The following ANKHD1 variants were observed in gnomAD, a reference collection of about 807,000 sequenced individuals.
ANKHD1 encodes the protein ankyrin repeat and KH domain containing 1.
A neutral mutation model predicts 230.5 loss-of-function variants in ANKHD1; 31 were observed. The ratio of observed to expected loss-of-function variants is 0.13; its 90% CI spans 0.10 to 0.18. ANKHD1 has a LOEUF of 0.18. Among genes scored for constraint, ANKHD1 ranks in the 10% least tolerant of loss-of-function variants. ANKHD1 has a pLI of 1.00. For missense variants in ANKHD1, 2,256 were observed against 3,071.3 expected (o/e 0.73, Z 6.27); for synonymous variants, 1,074 against 1,117.6 (o/e 0.96, Z 0.78).
chr5:140,517,438 A>T (rs1753078429), intron 24 of ANKHD1, among the ~76,000 whole-genome samples: 1 of 151,426 alleles, frequency 6.6e-6, no homozygotes, highest in South Asian at 2.1e-4. Context: ...CACCAAGCGG[A>T]CCTAATAGAC....
intron 15 of ANKHD1, among the ~76,000 whole-genome samples, chr5:140,498,883 A>G (rs1216074469): frequency 2.0e-5 from 3 of 151,538 alleles, no homozygotes; most frequent in African/African-American, 7.3e-5. Flanking sequence ...ATGTAGAAAT[A>G]GCTCTAAAAG....
Position 140,539,501 on chromosome 5 carries a change from A to G in ANKHD1, c.*83A>G. On this transcript the variant is annotated 3_prime_UTR_variant, in exon 34 of 34. Transcript: ENST00000360839. The stretch of plus-strand genomic sequence containing the variant: ...ATGGGGATTTTTTTTTAATGTGCCT[A>G]AGAAATTTTCTCTGAGGCTTTAGCA... 2.7e-6 allele frequency: 4 copies of G among 1,471,406 alleles called. No homozygotes were observed. Among genetic ancestry groups the G allele is most frequent in the Non-Finnish European group, 3.7e-6 (4 of 1,081,352 alleles). 91.1% of individuals were successfully genotyped at this position (1,471,406 alleles called of 1,614,324 possible).
Position 140,482,622 on chromosome 5 carries a change from G to T in ANKHD1, c.1825G>T (p.Ala609Ser). 3 of 1,612,856 alleles carry T rather than the reference G, an allele frequency of 1.9e-6. No individual in the cohort carries two copies. The highest frequency in any genetic ancestry group is 2.5e-6 in the Non-Finnish European group (3 of 1,179,470). Reference sequence around the variant, plus strand: ...TGGAAGAACACCTTTGATGAAAGCTGCAAGAGCTGGTCATTTGTGCACTGT... The same window carrying T: ...TGGAAGAACACCTTTGATGAAAGCTTCAAGAGCTGGTCATTTGTGCACTGT... Reference protein sequence around the residue: ...EGGRTPLMKAARAGHLCTVQF... With the variant: ...EGGRTPLMKASRAGHLCTVQF... The change falls in exon 11 of 34, where the codon GCA becomes TCA. Residue 609 changes from alanine to serine, a missense_variant. Transcript: ENST00000360839.
chr5:140,444,085 C>T (rs1377833337), intron 5 of ANKHD1, among the ~76,000 whole-genome samples: 1 of 144,810 alleles, frequency 6.9e-6, no homozygotes, highest in African/African-American at 2.5e-5. Flanking sequence ...GAAGTCCCCC[C>T]CCCCCTTTTT....
chr5:140,426,510 T>G (rs1772422571), intron 1 of ANKHD1, among the ~76,000 whole-genome samples: 1 of 151,798 alleles, frequency 6.6e-6, no homozygotes, highest in East Asian at 1.9e-4. Flanking sequence ...TTTTATTTAT[T>G]TATTTATTTA....
rs1213469553 is a variant in ANKHD1, at chr5:140,479,687, A to G, written c.1783-2893A>G. Among the ~76,000 whole-genome samples the G allele has an allele frequency of 3.4e-5, 5 of 146,078 alleles. No homozygotes were observed. The East Asian group carries it at 9.7e-4, about 28-fold the overall frequency. ...ATACATGTATATTCCCATTATATAC[A>G]TACATATGTATATATACATTGATTC... On this transcript the variant is annotated intron_variant, in intron 10 of 33. Coordinates refer to ENST00000360839, the MANE Select transcript of ANKHD1 (RefSeq NM_017747.3).
chr5:140,528,850 G>A lies in ANKHD1; in HGVS notation c.5904G>A (p.Lys1968=), dbSNP rs1343402569. ...AGCAGTTGTTTGCCTGTGTGCCTAAGACAAGTCCTCCAGCAACAGTGATTT... is the reference window on the plus strand; with the variant it reads ...AGCAGTTGTTTGCCTGTGTGCCTAAAACAAGTCCTCCAGCAACAGTGATTT... ...VRKQLFACVP[K]TSPPATVISS... The change falls in exon 29 of 34, where the codon AAG becomes AAA. Residue 1968 remains lysine (K), a synonymous_variant. Coordinates refer to ENST00000360839, the MANE Select transcript of ANKHD1 (RefSeq NM_017747.3). 9 of 1,613,918 alleles carry A rather than the reference G, an allele frequency of 5.6e-6. No homozygotes were observed. Among genetic ancestry groups the A allele is most frequent in the Non-Finnish European group, 7.6e-6 (9 of 1,180,046 alleles).
Position 140,482,907 on chromosome 5 carries a change from A to T in ANKHD1, c.1870+240A>T, listed in dbSNP as rs185795606. Among the ~76,000 whole-genome samples the T allele has an allele frequency of 4.6e-5, 7 of 152,318 alleles. No homozygotes were observed. In the East Asian group the frequency reaches 1.3e-3, roughly 29 times the overall value. ...AGCAACATGTGGTTGCTCCCAACTT[A>T]GAAAAGCCAAATGTAAAATGTCCCA... On this transcript the variant is annotated intron_variant, in intron 11 of 33. Transcript: ENST00000360839.
rs1396005853 is a variant in ANKHD1 at position 140,538,910 on chromosome 5, C to T, written c.7405-9C>T. 11 of 1,475,980 alleles carry T rather than the reference C, an allele frequency of 7.5e-6. No individual in the cohort carries two copies. The highest frequency in any genetic ancestry group is 1.5e-5 in the South Asian group (1 of 67,170). The allele number at this position is 1,475,980 out of a possible 1,614,324, so 91.4% of individuals were successfully genotyped here. On this transcript the variant is annotated splice_polypyrimidine_tract_variant and intron_variant, in intron 32 of 33. Coordinates refer to ENST00000360839, the MANE Select transcript of ANKHD1 (RefSeq NM_017747.3). The stretch of plus-strand genomic sequence containing the variant: ...TTTTAAGATTAAATCTTTTTTCCTG[C>T]TGTTTTAGGGTCTGCCAATTTCCAT...
At chr5:140,526,544 A>G in intron 26 of ANKHD1, 101 bp downstream of exon 26, 1 of 1,404,238 alleles carries the variant, frequency 7.1e-7, no homozygotes, top group Non-Finnish European at 9.5e-7. Flanking sequence ...TGTGTTAAAC[A>G]ATTGAAGTCT....
At chr5:140,491,092 G>GTATATATATATA (rs377535904) in intron 14 of ANKHD1, among the ~76,000 whole-genome samples, 1 of 102,414 alleles carries the variant, frequency 9.8e-6, no homozygotes, top group Non-Finnish European at 1.8e-5. Context: ...GTGTGTGTGT[G>GTATATATATATA]TATATATATA....
intron 1 of ANKHD1, among the ~76,000 whole-genome samples, chr5:140,428,595 A>G (rs2126892097): frequency 6.6e-6 from 1 of 152,294 alleles, no homozygotes; most frequent in African/African-American, 2.4e-5. Context: ...AGTACAGTCC[A>G]GCTTTGGCTC....
At chr5:140,520,658 T>C (rs1235147738) in intron 24 of ANKHD1, among the ~76,000 whole-genome samples, 1 of 151,512 alleles carries the variant, frequency 6.6e-6, no homozygotes, top group Admixed American at 6.6e-5. Context: ...AAATCATCAT[T>C]CTCAGTAAAC....
intron 1 of ANKHD1, among the ~76,000 whole-genome samples, chr5:140,427,681 C>T (rs1482602643): frequency 5.4e-5 from 7 of 129,866 alleles, no homozygotes; most frequent in African/African-American, 8.7e-5. Context: ...ACGGGGCGGC[C>T]GGCCAGGCAG....
At chr5:140,406,872 C>T (rs940778207) in intron 1 of ANKHD1, among the ~76,000 whole-genome samples, 3 of 152,050 alleles carry the variant, frequency 2.0e-5, no homozygotes, top group African/African-American at 7.2e-5. Flanking sequence ...ATACCTGCTT[C>T]GTATTTCTTC....
Position 140,528,330 on chromosome 5 carries a change from GAGTAGGTACCAC to G in ANKHD1, c.5387_5398del (p.Val1796_Thr1799del). 6.2e-7 allele frequency: 1 copy of G among 1,614,020 alleles called. No homozygotes were observed. The highest frequency in any genetic ancestry group is 8.5e-7 in the Non-Finnish European group (1 of 1,180,004). On this transcript the variant is annotated inframe_deletion, in exon 29 of 34. Coordinates refer to ENST00000360839, the MANE Select transcript of ANKHD1 (RefSeq NM_017747.3). The stretch of plus-strand genomic sequence containing the variant: ...TCAATTCATGCTAACTTCTCATCTG[GAGTAGGTACCAC>G]AGCAGCTTCCAGTAAAAATGCATTT...
chr5:140,441,178 A>T (rs1561725843), intron 5 of ANKHD1, 36 bp downstream of exon 5: 1 of 1,481,130 alleles, frequency 6.8e-7, no homozygotes, highest in South Asian at 1.4e-5. Context: ...GGGAGAAAAA[A>T]TTGACATAAT....
At chr5:140,515,609 C>G (rs1752964982) in intron 24 of ANKHD1, among the ~76,000 whole-genome samples, 1 of 152,198 alleles carries the variant, frequency 6.6e-6, no homozygotes, top group South Asian at 2.1e-4. Context: ...GGCAGACTGC[C>G]TCCTCAAGTG....
At chr5:140,504,262 G>A (rs1340635950) in intron 15 of ANKHD1, among the ~76,000 whole-genome samples, 3 of 152,090 alleles carry the variant, frequency 2.0e-5, no homozygotes, top group Non-Finnish European at 4.4e-5. Context: ...ATGTTGGCCA[G>A]GCTGGTCTCA....
Sources: allele counts gnomAD v4.1 joint callset (sites outside exome capture counted in the v4.1 genomes callset), GRCh38; gene constraint gnomAD v4.1.1; transcripts MANE v1.5; gene names NCBI Gene and HGNC (gene_info 2026-07-23, HGNC 2026-07-21).